Variants in FAM220A observed in about 807,000 individuals in gnomAD.
FAM220A encodes the protein family with sequence similarity 220 member A.
For missense variants in FAM220A, 392 were observed against 321.6 expected (o/e 1.22, Z -1.68); for synonymous variants, 141 against 130.7 (o/e 1.08, Z -0.54).
chr7:6,343,781 C>T (rs895152200), intron 1 of FAM220A, among the ~76,000 whole-genome samples: 13 of 152,054 alleles, frequency 8.5e-5, no homozygotes, highest in Non-Finnish European at 1.6e-4. Context: ...CACTGCCCTA[C>T]AAACTAGAGA....
chr7:6,330,340 TAAA>T lies in FAM220A; in HGVS notation c.*32_*34del. 1 of 1,562,022 alleles carries T rather than the reference TAAA, an allele frequency of 6.4e-7. No homozygotes were observed. ...AAAGAAATCATTCTAAGACAACTCT[TAAA>T]ATTAATCTATTGGTATTGTTCTGCT... is the stretch of plus-strand genomic sequence containing the variant. On this transcript the variant is annotated 3_prime_UTR_variant, in exon 2 of 2. Transcript: ENST00000313324.
chr7:6,346,495 C>T (rs1183497272), intron 1 of FAM220A, among the ~76,000 whole-genome samples: 1 of 152,126 alleles, frequency 6.6e-6, no homozygotes, highest in Non-Finnish European at 1.5e-5. Context: ...GCCCCACAAG[C>T]AGCTGGGACT....
In FAM220A at chr7:6,348,684, G is replaced by T; in HGVS notation, c.-193C>A. 1 of 483,554 alleles carries T rather than the reference G, an allele frequency of 2.1e-6. No individual in the cohort carries two copies. Among genetic ancestry groups the T allele is most frequent in the South Asian group, 3.5e-5 (1 of 28,184 alleles). The allele number at this position is 483,554 out of a possible 1,614,324, so 30.0% of individuals were successfully genotyped here. On this transcript the variant is annotated 5_prime_UTR_variant, in exon 1 of 2. It introduces an in-frame stop codon into an upstream open reading frame of the 5' UTR. Coordinates refer to ENST00000313324, the MANE Select transcript of FAM220A (RefSeq NM_001037163.2). ...TGAGCAGCGTGCGAGTCAGCCCCTT[G>T]CAGAAGACCCCATAGGAGCGGGCGG...
Position 6,333,906 on chromosome 7 carries a change from G to A in FAM220A, c.-81-2671C>T, listed in dbSNP as rs992465669. 2.7e-5 allele frequency among the ~76,000 whole-genome samples: 4 copies of A among 146,918 alleles called. No individual in the cohort carries two copies. The South Asian group carries it at 6.6e-4, about 24-fold the overall frequency. On this transcript the variant is annotated intron_variant, in intron 1 of 1. Transcript: ENST00000313324. ...TTTTTGCCCAGGCTGGAGTGCAGTG[G>A]CGCCATCTCAGCTCACTAAAAGCTC... is the stretch of plus-strand genomic sequence containing the variant.
intron 1 of FAM220A, among the ~76,000 whole-genome samples, chr7:6,344,148 G>GAAAAAA (rs559497571): frequency 1.7e-5 from 2 of 120,174 alleles, no homozygotes; most frequent in Admixed American, 8.4e-5. Context: ...TGAAGAACAA[G>GAAAAAA]AAAAAAAAAA....
chr7:6,342,339 G>T (rs984275493), intron 1 of FAM220A, among the ~76,000 whole-genome samples: 6 of 151,946 alleles, frequency 3.9e-5, no homozygotes, highest in Non-Finnish European at 8.8e-5. Context: ...GAGCCCAGGA[G>T]CTGGAGACCA....
At chr7:6,332,202 T>C (rs748877348) in intron 1 of FAM220A, among the ~76,000 whole-genome samples, 56 of 152,054 alleles carry the variant, frequency 3.7e-4, no homozygotes, top group Non-Finnish European at 7.1e-4. Context: ...CTTCAGGTTA[T>C]GTAATTTTAT....
intron 1 of FAM220A, among the ~76,000 whole-genome samples, chr7:6,336,317 C>T (rs1031781684): frequency 3.9e-5 from 6 of 152,132 alleles, no homozygotes; most frequent in Non-Finnish European, 8.8e-5. Context: ...CACTATACTC[C>T]AGCCTGCGCA....
chr7:6,348,489 T>C (rs928482233), intron 1 of FAM220A, 84 bp downstream of exon 1: 3 of 409,532 alleles, frequency 7.3e-6, no homozygotes, highest in African/African-American at 4.1e-5. Flanking sequence ...TTCTAGGCAG[T>C]GGCAGCTGCC....
chr7:6,343,701 A>G (rs575175371), intron 1 of FAM220A, among the ~76,000 whole-genome samples: 5 of 152,114 alleles, frequency 3.3e-5, no homozygotes, highest in Non-Finnish European at 7.4e-5. Flanking sequence ...CTCAGTATAC[A>G]ACTGTCTGCA....
chr7:6,334,154 G>C (rs181410523), intron 1 of FAM220A, among the ~76,000 whole-genome samples: 4 of 151,136 alleles, frequency 2.6e-5, no homozygotes, highest in Non-Finnish European at 5.9e-5. Context: ...CCGAACTCCT[G>C]GTCTCTTAAG....
intron 1 of FAM220A, among the ~76,000 whole-genome samples, chr7:6,332,208 T>G (rs969190726): frequency 6.6e-6 from 1 of 152,064 alleles, no homozygotes; most frequent in Non-Finnish European, 1.5e-5. Context: ...GTTATGTAAT[T>G]TTATAGGGAC....
rs926949502 is a variant in FAM220A, at chr7:6,348,944, T to C, written c.-453A>G. 1 of 379,628 alleles carries C rather than the reference T, an allele frequency of 2.6e-6. No individual in the cohort carries two copies. The highest frequency in any genetic ancestry group is 4.7e-6 in the Non-Finnish European group (1 of 214,726). The allele number at this position is 379,628 out of a possible 1,614,324, so 23.5% of individuals were successfully genotyped here. The stretch of plus-strand genomic sequence containing the variant: ...AGAAGTGCCTCCGCGAGCAGCCGCC[T>C]GTACCAGCCTGGCCGCGCAGCCTGA... On this transcript the variant is annotated 5_prime_UTR_variant, in exon 1 of 2. Transcript: ENST00000313324.
chr7:6,337,070 A>ATTTTTTTTTTTT, intron 1 of FAM220A, among the ~76,000 whole-genome samples: 1 of 151,050 alleles, frequency 6.6e-6, no homozygotes, highest in Non-Finnish European at 1.5e-5. Context: ...AGGTATTTTA[A>ATTTTTTTTTTTT]TTCTTTTTTT....
intron 1 of FAM220A, among the ~76,000 whole-genome samples, chr7:6,336,889 A>G (rs1781759397): frequency 1.3e-5 from 2 of 151,656 alleles, no homozygotes; most frequent in Non-Finnish European, 3.0e-5. Flanking sequence ...CCTGGGCTCA[A>G]GTGATCCGCC....
At chr7:6,345,317 G>A (rs1781933375) in intron 1 of FAM220A, among the ~76,000 whole-genome samples, 1 of 151,760 alleles carries the variant, frequency 6.6e-6, no homozygotes. Flanking sequence ...GTCTTGCTGT[G>A]TTGCCCAGGC....
At chr7:6,334,053 A>G (rs1281098357) in intron 1 of FAM220A, among the ~76,000 whole-genome samples, 5 of 150,770 alleles carry the variant, frequency 3.3e-5, no homozygotes, top group Non-Finnish European at 7.4e-5. Context: ...TCACCATGTT[A>G]GCCAGGATGG....
At chr7:6,335,119 G>C (rs564398145) in intron 1 of FAM220A, among the ~76,000 whole-genome samples, 3 of 151,734 alleles carry the variant, frequency 2.0e-5, no homozygotes, top group African/African-American at 7.2e-5. Flanking sequence ...CTGGACCGTA[G>C]TGGTGCAATC....
At chr7:6,344,339 A>T (rs999279184) in intron 1 of FAM220A, among the ~76,000 whole-genome samples, 5 of 152,190 alleles carry the variant, frequency 3.3e-5, no homozygotes, top group Non-Finnish European at 7.3e-5. Flanking sequence ...ATCAAGGCCA[A>T]GAAGACAGAC....
Sources: allele counts gnomAD v4.1 joint callset (sites outside exome capture counted in the v4.1 genomes callset), GRCh38; gene constraint gnomAD v4.1.1; transcripts MANE v1.5; gene names NCBI Gene and HGNC (gene_info 2026-07-23, HGNC 2026-07-21).